YME1L1: variants seen among roughly 807,000 people sequenced by gnomAD.
YME1L1 encodes YME1 like 1 ATPase.
In YME1L1, 39 loss-of-function variants were observed where a neutral mutation model predicts 90.4. The ratio of observed to expected loss-of-function variants is 0.43; its 90% CI spans 0.33 to 0.56. The LOEUF is 0.56. Ranked by LOEUF, YME1L1 falls within the 20% of genes least tolerant of loss-of-function variation. The pLI is 0.03. For missense variants in YME1L1, 617 were observed against 868.4 expected (o/e 0.71, Z 3.64); for synonymous variants, 284 against 287.3 (o/e 0.99, Z 0.12).
Position 27,147,750 on chromosome 10 carries a change from G to A in YME1L1, c.168+1156C>T, listed in dbSNP as rs2057161608. The A allele has an allele frequency of 6.6e-6, 10 of 1,524,414 alleles. 1 individual carries two copies. In the South Asian group the frequency reaches 1.1e-4, roughly 17 times the overall value. The allele number at this position is 1,524,414 out of a possible 1,614,324, so 94.4% of individuals were successfully genotyped here. Reference sequence around the variant, plus strand: ...GTCTGTAACACCCGTGGTTTCTATAGCATCTGGCTCCTGTCAATTGTGCAG... The same window carrying A: ...GTCTGTAACACCCGTGGTTTCTATAACATCTGGCTCCTGTCAATTGTGCAG... On this transcript the variant is annotated intron_variant, in intron 2 of 18. Transcript: ENST00000376016.
At chr10:27,127,016 T>A (rs2056927218) in intron 8 of YME1L1, among the ~76,000 whole-genome samples, 1 of 152,220 alleles carries the variant, frequency 6.6e-6, no homozygotes, top group Non-Finnish European at 1.5e-5. Flanking sequence ...AAAAAATCAT[T>A]CTGAACTTTC....
At chr10:27,151,860 G>A (rs1186541406) in intron 1 of YME1L1, among the ~76,000 whole-genome samples, 2 of 146,448 alleles carry the variant, frequency 1.4e-5, no homozygotes, top group Admixed American at 6.9e-5. Context: ...CAGCCTGGGC[G>A]ACAGAGCGAG....
At position 27,111,950 on chromosome 10, in the gene YME1L1, C is replaced by G; in HGVS notation, c.*27G>C. On this transcript the variant is annotated 3_prime_UTR_variant, in exon 19 of 19. Coordinates refer to ENST00000376016, the MANE Select transcript of YME1L1 (RefSeq NM_014263.4). Reference sequence around the variant, plus strand: ...GCTACTTGTATTCTTGCAATAAAACCAGCAAGCATCCATATCAAGAGAGTT... The same window carrying G: ...GCTACTTGTATTCTTGCAATAAAACGAGCAAGCATCCATATCAAGAGAGTT... 6.2e-7 allele frequency: 1 copy of G among 1,613,416 alleles called. No homozygotes were observed. The highest frequency in any genetic ancestry group is 8.5e-7 in the Non-Finnish European group (1 of 1,179,686).
chr10:27,148,828 T>C (rs1360984394), intron 2 of YME1L1, 78 bp downstream of exon 2: 1 of 1,564,806 alleles, frequency 6.4e-7, no homozygotes, highest in African/African-American at 1.4e-5. Flanking sequence ...GGAGGGACAA[T>C]ATCCTTAATC....
rs1389025834 is a variant in YME1L1 at position 27,111,489 on chromosome 10, A to G, written c.*488T>C. The G allele has an allele frequency of 5.1e-6, 1 of 196,096 alleles. No homozygotes were observed. Among genetic ancestry groups the G allele is most frequent in the African/African-American group, 2.4e-5 (1 of 41,940 alleles). 12.1% of individuals were successfully genotyped at this position (196,096 alleles called of 1,614,324 possible). A position where few individuals can be genotyped will look rare whatever the true frequency, so the allele number is the denominator to read the frequency against. ...GATTACAGATGTGAGCCATGGCACC[A>G]TGCCAAAAGGCTATATTCCTGGCTC... On this transcript the variant is annotated 3_prime_UTR_variant, in exon 19 of 19. Coordinates refer to ENST00000376016, the MANE Select transcript of YME1L1 (RefSeq NM_014263.4).
chr10:27,145,688 T>G, intron 2 of YME1L1, 98 bp from the exon 3 acceptor site: 1 of 1,034,336 alleles, frequency 9.7e-7, no homozygotes, highest in Non-Finnish European at 1.3e-6. Flanking sequence ...ATTTTAAAAG[T>G]CTAACAAATA....
intron 5 of YME1L1, 133 bp from the exon 6 acceptor site, chr10:27,135,114 C>G: frequency 1.3e-6 from 1 of 769,798 alleles, no homozygotes; most frequent in South Asian, 2.3e-5. Context: ...CAGATTAAGA[C>G]TCAGCAATGA....
chr10:27,151,862 C>G (rs970678678), intron 1 of YME1L1, among the ~76,000 whole-genome samples: 2 of 143,326 alleles, frequency 1.4e-5, no homozygotes, highest in Non-Finnish European at 3.0e-5. Context: ...GCCTGGGCGA[C>G]AGAGCGAGAC....
chr10:27,145,632 A>G (rs2057136583), intron 2 of YME1L1, 42 bp from the exon 3 acceptor site: 1 of 1,533,272 alleles, frequency 6.5e-7, no homozygotes, highest in Non-Finnish European at 8.9e-7. Flanking sequence ...TAATATTATC[A>G]AGATATTTAA....
intron 1 of YME1L1, among the ~76,000 whole-genome samples, chr10:27,151,751 G>A (rs1464975149): frequency 6.6e-6 from 1 of 152,026 alleles, no homozygotes; most frequent in Non-Finnish European, 1.5e-5. Context: ...CGTGGTGGCG[G>A]GCGCCTGTGG....
intron 18 of YME1L1, 43 bp from the exon 19 acceptor site, chr10:27,112,163 G>C (rs751439650): frequency 3.8e-5 from 59 of 1,566,590 alleles, no homozygotes; most frequent in Non-Finnish European, 5.0e-5. Context: ...CAAATGCAGG[G>C]ATGCGAAAAC....
chr10:27,121,702 A>T (rs1392689583), intron 11 of YME1L1, among the ~76,000 whole-genome samples: 2 of 149,278 alleles, frequency 1.3e-5, no homozygotes, highest in African/African-American at 2.5e-5. Flanking sequence ...TTTATTTTTT[A>T]TTTATTTTTA....
chr10:27,147,090 G>A (rs1245560426), intron 2 of YME1L1: 6 of 341,630 alleles, frequency 1.8e-5, no homozygotes. Context: ...TTCAAGGAAA[G>A]AAAAAATTAA....
In YME1L1 at chr10:27,111,811, G is replaced by A. The variant is rs2056761584; in HGVS notation, c.*166C>T. On this transcript the variant is annotated 3_prime_UTR_variant, in exon 19 of 19. Transcript: ENST00000376016. Reference sequence around the variant, plus strand: ...GCTAATTTGCAATAGGTGTCATAATGAGAATAACCCAAACTGGATAAATGT... The same window carrying A: ...GCTAATTTGCAATAGGTGTCATAATAAGAATAACCCAAACTGGATAAATGT... The A allele has an allele frequency of 2.2e-6, 2 of 908,094 alleles. No individual in the cohort carries two copies. Among genetic ancestry groups the A allele is most frequent in the East Asian group, 5.0e-5 (2 of 39,672 alleles). 56.3% of individuals were successfully genotyped at this position (908,094 alleles called of 1,614,324 possible). A position where few individuals can be genotyped will look rare whatever the true frequency, so the allele number is the denominator to read the frequency against.
chr10:27,144,957 C>T (rs184647410), intron 3 of YME1L1, among the ~76,000 whole-genome samples: 16 of 152,134 alleles, frequency 1.1e-4, no homozygotes, highest in South Asian at 1.0e-3. Context: ...CTGGCTAACA[C>T]GGTGAAACCC....
At chr10:27,146,395 C>T (rs940577279) in intron 2 of YME1L1, 1 of 152,132 alleles carries the variant, frequency 6.6e-6, no homozygotes, top group Admixed American at 6.6e-5. Flanking sequence ...TGTATACCCA[C>T]TTTTAAACAA....
chr10:27,111,639 A>AATTT lies in YME1L1; in HGVS notation c.*337_*338insAAAT. ...TTCCACTGATGTATATAGAAGGCTA[A>AATTT]AGGCACAATTTTTATCAAATCTAGT... On this transcript the variant is annotated 3_prime_UTR_variant, in exon 19 of 19. Coordinates refer to ENST00000376016, the MANE Select transcript of YME1L1 (RefSeq NM_014263.4). 2.7e-6 allele frequency: 1 copy of AATTT among 370,966 alleles called. No homozygotes were observed. The highest frequency in any genetic ancestry group is 5.1e-6 in the Non-Finnish European group (1 of 194,232). The allele number at this position is 370,966 out of a possible 1,614,324, so 23.0% of individuals were successfully genotyped here.
chr10:27,116,604 T>C (rs1319416132), intron 15 of YME1L1, among the ~76,000 whole-genome samples: 1 of 152,126 alleles, frequency 6.6e-6, no homozygotes. Context: ...AGACAGAGGT[T>C]GCAGTGAGCT....
At chr10:27,113,559 C>A (rs1321963833) in intron 18 of YME1L1, among the ~76,000 whole-genome samples, 1 of 151,436 alleles carries the variant, frequency 6.6e-6, no homozygotes, top group Non-Finnish European at 1.5e-5. Flanking sequence ...GTAATCCCAG[C>A]TACTCAGAAG....
Sources: gnomAD v4.1 joint callset for allele counts (sites outside exome capture counted in the v4.1 genomes callset) on GRCh38, gnomAD v4.1.1 for gene constraint, MANE v1.5 for transcripts, NCBI Gene and HGNC (gene_info 2026-07-23, HGNC 2026-07-21) for gene names.